The following CMTR1 variants were observed in gnomAD, a reference collection of about 807,000 sequenced individuals.
CMTR1 encodes cap methyltransferase 1.
A neutral mutation model predicts 107.0 loss-of-function variants in CMTR1; 39 were observed. The ratio of observed to expected loss-of-function variants is 0.36; its 90% CI spans 0.28 to 0.48. The LOEUF (loss-of-function observed/expected upper bound fraction) is 0.48, where lower values mean the gene tolerates loss of function less well. CMTR1 is among the 20% of genes least tolerant of loss of function. The probability of loss-of-function intolerance (pLI) is 0.99; values close to 1 mark genes in which losing one functional copy is unlikely to be tolerated. For missense variants in CMTR1, 672 were observed against 1,064.9 expected (o/e 0.63, Z 5.14); for synonymous variants, 366 against 379.5 (o/e 0.96, Z 0.41).
chr6:37,459,714 C>A, intron 10 of CMTR1, 30 bp downstream of exon 10: 1 of 1,433,620 alleles, frequency 7.0e-7, no homozygotes, highest in Non-Finnish European at 9.8e-7. Flanking sequence ...TAGACTGATG[C>A]ATTAAGGATT....
chr6:37,470,610 A>AT (rs1157753625), intron 13 of CMTR1, among the ~76,000 whole-genome samples: 1 of 152,084 alleles, frequency 6.6e-6, no homozygotes, highest in Non-Finnish European at 1.5e-5. Flanking sequence ...ATGCCTCATA[A>AT]TTTTTTTATT....
At chr6:37,426,510 G>C in the CMTR1 span, among the ~76,000 whole-genome samples, 3 of 151,940 alleles carry the variant, frequency 2.0e-5, no homozygotes, top group East Asian at 5.8e-4. Flanking sequence ...GGATGAGCCT[G>C]AGGTATAGAG....
chr6:37,462,086 C>T lies in CMTR1; in HGVS notation c.1309C>T (p.Pro437Ser). The T allele has an allele frequency of 6.2e-7, 1 of 1,614,118 alleles. No homozygotes were observed. The highest frequency in any genetic ancestry group is 1.3e-5 in the African/African-American group (1 of 75,020). ...VCLFKPITSR[P>S]ANSERYVVCK... is the part of the protein sequence containing the mutation. ...TCTCTTCAAGCCTATTACCAGCCGT[C>T]CTGCCAACTCAGAGAGGTGAAGCCT... Residue 437 changes from proline to serine, a missense_variant, in exon 12 of 24, where the codon CCT (proline) becomes TCT (serine). Physicochemically the swap from Pro to Ser is moderately conservative, Grantham distance 74. This residue lies in a region of CMTR1 where 583 missense variants were observed against 968.4 expected (regional missense o/e 0.60). Transcript: ENST00000373451.
intron 20 of CMTR1, 134 bp from the exon 21 acceptor site, chr6:37,477,458 G>A (rs899389682): frequency 2.0e-5 from 15 of 759,826 alleles, no homozygotes; most frequent in Non-Finnish European, 2.6e-5. Context: ...CCTCGCTGCC[G>A]GTGGGCTGGG....
At chr6:37,434,204 G>T (rs1315165697) in intron 1 of CMTR1, among the ~76,000 whole-genome samples, 1 of 152,088 alleles carries the variant, frequency 6.6e-6, no homozygotes, top group Non-Finnish European at 1.5e-5. Flanking sequence ...GACAGCCCCT[G>T]CCTGTATCTA....
intron 17 of CMTR1, 45 bp from the exon 18 acceptor site, chr6:37,474,479 C>T (rs757367847): frequency 6.8e-6 from 11 of 1,610,148 alleles, no homozygotes; most frequent in African/African-American, 2.7e-5. Flanking sequence ...TCTTATCCCT[C>T]GATCTCCATG....
At chr6:37,479,917 C>T in intron 23 of CMTR1, 96 bp from the exon 24 acceptor site, 2 of 1,228,364 alleles carry the variant, frequency 1.6e-6, no homozygotes, top group South Asian at 1.8e-5. Flanking sequence ...CAACTAAAGT[C>T]ATTGACAGAC....
chr6:37,447,867 C>CAA (rs572445344), intron 4 of CMTR1, among the ~76,000 whole-genome samples: 4 of 113,490 alleles, frequency 3.5e-5, no homozygotes, highest in South Asian at 5.9e-4. Flanking sequence ...GACTTTGTCT[C>CAA]AAAAAAAAAA....
Position 37,435,561 on chromosome 6 carries a change from C to T in CMTR1, c.-6-63C>T. 3 of 1,539,690 alleles carry T rather than the reference C, an allele frequency of 1.9e-6. No individual in the cohort carries two copies. In the African/African-American group the frequency reaches 4.2e-5, roughly 22 times the overall value. ...CCATTGATGATTTACACTTTGGAAT[C>T]CCTGCTGTGATCCCAGTGGCTGTGA... is the stretch of plus-strand genomic sequence containing the variant. On this transcript the variant is annotated intron_variant, in intron 1 of 23. Coordinates refer to ENST00000373451, the MANE Select transcript of CMTR1 (RefSeq NM_015050.3).
In CMTR1 at chr6:37,462,016, T is replaced by C. The variant is rs1428899087; in HGVS notation, c.1239T>C (p.Ser413=). The part of the protein sequence containing the change: ...CKTFDLFTPF[S]VGLVYLLYCC... ...CCTTTGACCTGTTCACACCGTTTAG[T>C]GTGGGGCTTGTCTACCTGCTGTACT... The change falls in exon 12 of 24, where the codon AGT becomes AGC. Residue 413 remains serine (S), a synonymous_variant. Transcript: ENST00000373451. The C allele has an allele frequency of 6.2e-7, 1 of 1,613,922 alleles. No homozygotes were observed. The highest frequency in any genetic ancestry group is 8.5e-7 in the Non-Finnish European group (1 of 1,180,000).
intron 13 of CMTR1, among the ~76,000 whole-genome samples, chr6:37,470,708 A>G (rs925135316): frequency 3.3e-5 from 5 of 152,230 alleles, no homozygotes; most frequent in South Asian, 4.1e-4. Flanking sequence ...AGCTTAGTCT[A>G]TAGTTGAACT....
rs185267546 is a variant in CMTR1, at chr6:37,457,816, C to A, written c.778-796C>A. Among the ~76,000 whole-genome samples the A allele has an allele frequency of 1.8e-3, 280 of 152,194 alleles. 1 individual carries two copies. Among genetic ancestry groups the A allele is most frequent in the African/African-American group, 6.5e-3 (268 of 41,492 alleles). ...CTGTGGCTGGGAGAGGGTGTTAGAG[C>A]CCCCCAGCCTTTGGTTGGACAGGAA... is the stretch of plus-strand genomic sequence containing the variant. On this transcript the variant is annotated intron_variant, in intron 8 of 23. Transcript: ENST00000373451.
In CMTR1 at chr6:37,469,157, C is replaced by G. The variant is rs556588173; in HGVS notation, c.1506-1864C>G. On this transcript the variant is annotated intron_variant, in intron 13 of 23. Coordinates refer to ENST00000373451, the MANE Select transcript of CMTR1 (RefSeq NM_015050.3). ...TTAAAAAAAAAACAAAAACAAAAAACAAAACAAAAAACTATTTCCCTTTCA... is the reference window on the plus strand; with the variant it reads ...TTAAAAAAAAAACAAAAACAAAAAAGAAAACAAAAAACTATTTCCCTTTCA... 6.6e-5 allele frequency among the ~76,000 whole-genome samples: 10 copies of G among 151,832 alleles called. No homozygotes were observed. In the South Asian group the frequency reaches 2.1e-3, roughly 32 times the overall value.
chr6:37,479,135 TCCTC>T lies in CMTR1; in HGVS notation c.2267-9_2267-6del, dbSNP rs376401258. 1.3e-5 allele frequency: 20 copies of T among 1,595,924 alleles called. No individual in the cohort carries two copies. In the African/African-American group the frequency reaches 1.3e-4, roughly 11 times the overall value. On this transcript the variant is annotated splice_polypyrimidine_tract_variant and splice_region_variant and intron_variant, in intron 22 of 23. Coordinates refer to ENST00000373451, the MANE Select transcript of CMTR1 (RefSeq NM_015050.3). Reference sequence around the variant, plus strand: ...GTCCCTTCTGGGCTTCATCCCCTCTTCCTCCCATCAGAGCCCTGGACTATGGGAT... The same window carrying T: ...GTCCCTTCTGGGCTTCATCCCCTCTTCCATCAGAGCCCTGGACTATGGGAT...
At chr6:37,474,452 CTT>C in intron 17 of CMTR1, 70 bp from the exon 18 acceptor site, 1 of 1,584,760 alleles carries the variant, frequency 6.3e-7, no homozygotes, top group Non-Finnish European at 8.6e-7. Context: ...ACTAAAAGCT[CTT>C]TTGAGAAGTA....
rs2113878007 is a variant in CMTR1, at chr6:37,458,403, T to C, written c.778-209T>C. Among the ~76,000 whole-genome samples, 1 of 152,268 alleles carries C rather than the reference T, an allele frequency of 6.6e-6. No individual in the cohort carries two copies. The highest frequency in any genetic ancestry group is 1.9e-4 in the East Asian group (1 of 5,188). On this transcript the variant is annotated intron_variant, in intron 8 of 23. Transcript: ENST00000373451. The surrounding 1 kb of genome is among the most constrained non-coding windows in gnomAD (Gnocchi z 4.7). The stretch of plus-strand genomic sequence containing the variant: ...GTCTGAGCTAGGCCTGGTGATGTGA[T>C]AGGCATTGTGGGTATTTTGAGGGTG...
chr6:37,465,039 C>A (rs898831367), intron 13 of CMTR1, among the ~76,000 whole-genome samples: 13 of 150,608 alleles, frequency 8.6e-5, no homozygotes, highest in African/African-American at 3.2e-4. Context: ...GAGGCCAAGG[C>A]GGGTGGATCA....
chr6:37,464,892 CTGTGTG>C (rs61375488), intron 13 of CMTR1, among the ~76,000 whole-genome samples: 6,416 of 148,078 alleles, frequency 0.043, 441 homozygotes, highest in African/African-American at 0.14. Context: ...TTCTAAAACG[CTGTGTG>C]TGTGTGTGTG....
chr6:37,464,742 G>A (rs1035680513), intron 13 of CMTR1, among the ~76,000 whole-genome samples: 5 of 152,080 alleles, frequency 3.3e-5, no homozygotes, highest in African/African-American at 1.2e-4. Flanking sequence ...GTTTGGGGCT[G>A]TTACGAATAA....
Sources: gnomAD v4.1 joint callset for allele counts (sites outside exome capture counted in the v4.1 genomes callset) on GRCh38, gnomAD v4.1.1 for gene constraint, gnomAD v4.1.1 regional missense constraint, Gnocchi (gnomAD v3.1) non-coding constraint, MANE v1.5 for transcripts, NCBI Gene and HGNC (gene_info 2026-07-23, HGNC 2026-07-21) for gene names.